The following CPSF6 variants were observed in gnomAD, a reference collection of about 807,000 sequenced individuals.
CPSF6 encodes the protein cleavage and polyadenylation specificity factor subunit 6.
Under a neutral mutation model 56.7 loss-of-function variants are expected in CPSF6, and 10 were observed. That is an observed-to-expected ratio of 0.18 (90% CI 0.11 to 0.30). The LOEUF (loss-of-function observed/expected upper bound fraction) is 0.30. CPSF6 is among the 10% of genes least tolerant of loss of function. CPSF6 has a pLI of 1.00. For missense variants in CPSF6, 419 were observed against 722.9 expected (o/e 0.58, Z 4.82); for synonymous variants, 248 against 244.8 (o/e 1.01, Z -0.12).
At chr12:69,251,096 T>C (rs893544524) in intron 1 of CPSF6, 33 bp from the exon 2 acceptor site, 3 of 1,571,296 alleles carry the variant, frequency 1.9e-6, no homozygotes, top group South Asian at 2.3e-5. Flanking sequence ...TTTTGACTTT[T>C]GTATAATCTA....
At chr12:69,244,865 T>G (rs190395601) in intron 1 of CPSF6, among the ~76,000 whole-genome samples, 45 of 152,278 alleles carry the variant, frequency 3.0e-4, no homozygotes, top group Admixed American at 1.3e-3. Flanking sequence ...GATAACTGCC[T>G]TCTTCTGTAA....
At position 69,262,508 on chromosome 12, in the gene CPSF6, C is replaced by T. The variant is rs777251091; in HGVS notation, c.1605C>T (p.Asp535=). The part of the protein sequence containing the change: ...SRERERHRDR[D]RDRDRERDRE... ...AACGAGAGAGGCACCGGGATCGTGACCGAGACCGTGACCGAGAGCGTGACC... is the reference window on the plus strand; with the variant it reads ...AACGAGAGAGGCACCGGGATCGTGATCGAGACCGTGACCGAGAGCGTGACC... The change falls in exon 9 of 10, where the codon GAC becomes GAT. Residue 535 remains aspartate, a synonymous_variant. Transcript: ENST00000435070. 6.2e-7 allele frequency: 1 copy of T among 1,613,936 alleles called. No homozygotes were observed. The highest frequency in any genetic ancestry group is 8.5e-7 in the Non-Finnish European group (1 of 1,179,906).
intron 1 of CPSF6, among the ~76,000 whole-genome samples, chr12:69,246,568 A>G (rs879485436): frequency 2.0e-5 from 3 of 152,210 alleles, no homozygotes; most frequent in Non-Finnish European, 2.9e-5. Flanking sequence ...GCCAGTTTTA[A>G]TAACTACTGA....
intron 9 of CPSF6, among the ~76,000 whole-genome samples, chr12:69,268,842 A>C (rs999014007): frequency 4.6e-5 from 7 of 151,760 alleles, no homozygotes; most frequent in African/African-American, 1.7e-4. Flanking sequence ...TTAGTTTATA[A>C]TACTACGTTA....
At chr12:69,245,008 C>T (rs1019109596) in intron 1 of CPSF6, among the ~76,000 whole-genome samples, 5 of 151,228 alleles carry the variant, frequency 3.3e-5, no homozygotes, top group African/African-American at 1.2e-4. Flanking sequence ...CCTGTAATCC[C>T]AGTGCTTTGA....
chr12:69,254,670 T>C (rs1487237946), intron 3 of CPSF6, among the ~76,000 whole-genome samples: 1 of 152,190 alleles, frequency 6.6e-6, no homozygotes, highest in Non-Finnish European at 1.5e-5. Flanking sequence ...GTTAAATTAA[T>C]TTAGTTTTTT....
In CPSF6 at chr12:69,260,171, G is replaced by A. The variant is rs1370435637; in HGVS notation, c.1443G>A (p.Glu481=). The A allele has an allele frequency of 1.2e-6, 2 of 1,611,838 alleles. No homozygotes were observed. Among genetic ancestry groups the A allele is most frequent in the Admixed American group, 1.7e-5 (1 of 59,706 alleles). ...TGCAAGATTGCCTTCATGGAATTGA[G>A]TCCAAGTCTTATGGTTCTGGATCAA... ...SSLQDCLHGI[E]SKSYGSGSRR... Residue 481 remains glutamate, a synonymous_variant, in exon 8 of 10, where the codon GAG becomes GAA. Coordinates refer to ENST00000435070, the MANE Select transcript of CPSF6 (RefSeq NM_007007.3).
Position 69,269,855 on chromosome 12 carries a change from T to C in CPSF6, c.*347T>C, listed in dbSNP as rs1462937811. Reference sequence around the variant, plus strand: ...TTGTTTTTGTAGTAGTTTGTTCTTGTTAAAAATGTTTATATGATAATGTCT... The same window carrying C: ...TTGTTTTTGTAGTAGTTTGTTCTTGCTAAAAATGTTTATATGATAATGTCT... On this transcript the variant is annotated 3_prime_UTR_variant, in exon 10 of 10. Transcript: ENST00000435070. 5.4e-6 allele frequency: 1 copy of C among 184,216 alleles called. No homozygotes were observed. The highest frequency in any genetic ancestry group is 1.1e-5 in the Non-Finnish European group (1 of 87,338). The allele number at this position is 184,216 out of a possible 1,614,324, so 11.4% of individuals were successfully genotyped here.
intron 1 of CPSF6, among the ~76,000 whole-genome samples, chr12:69,250,749 C>T (rs952717076): frequency 2.6e-5 from 4 of 151,932 alleles, no homozygotes; most frequent in Admixed American, 6.6e-5. Context: ...CAGGTTCAAG[C>T]GATTCTCCTG....
rs1404856634 is a variant in CPSF6, at chr12:69,256,554, A to G, written c.375-143A>G. On this transcript the variant is annotated intron_variant, in intron 3 of 9. Coordinates refer to ENST00000435070, the MANE Select transcript of CPSF6 (RefSeq NM_007007.3). ...AGCAATCCTCGTGCCTCAACCTTCTAAGCAGCTGGGATTACAGGCATGAGC... is the reference window on the plus strand; with the variant it reads ...AGCAATCCTCGTGCCTCAACCTTCTGAGCAGCTGGGATTACAGGCATGAGC... The G allele has an allele frequency of 1.3e-5, 10 of 758,666 alleles. No individual in the cohort carries two copies. In the East Asian group the frequency reaches 2.5e-4, roughly 19 times the overall value. 47.0% of individuals were successfully genotyped at this position (758,666 alleles called of 1,614,324 possible).
chr12:69,262,985 A>C lies in CPSF6; in HGVS notation c.*3+423A>C, dbSNP rs12425906. ...ATAAATGGAAAGTTACTATTTTTGA[A>C]CTAGTTTTATTTGTCCCTAAAAATT... On this transcript the variant is annotated intron_variant, in intron 9 of 9. Transcript: ENST00000435070. 9.0e-3 allele frequency among the ~76,000 whole-genome samples: 1,372 copies of C among 152,236 alleles called. 36 individuals carry two copies. The highest frequency in any genetic ancestry group is 0.049 in the Admixed American group (756 of 15,280).
In CPSF6 at chr12:69,258,272, G is replaced by C; in HGVS notation, c.695-318G>C. 1 of 663,664 alleles carries C rather than the reference G, an allele frequency of 1.5e-6. No homozygotes were observed. Among genetic ancestry groups the C allele is most frequent in the Non-Finnish European group, 2.5e-6 (1 of 396,254 alleles). 41.1% of individuals were successfully genotyped at this position (663,664 alleles called of 1,614,324 possible). On this transcript the variant is annotated intron_variant, in intron 5 of 9. Coordinates refer to ENST00000435070, the MANE Select transcript of CPSF6 (RefSeq NM_007007.3). The surrounding 1 kb of genome is among the most constrained non-coding windows in gnomAD (Gnocchi z 4.2). ...TGTTTCACTTTCTAGCTTGGCATCA[G>C]AGTAGAATATAAGGTGGGTGATTTC...
At chr12:69,254,836 T>C (rs1872430232) in intron 3 of CPSF6, among the ~76,000 whole-genome samples, 1 of 152,222 alleles carries the variant, frequency 6.6e-6, no homozygotes, top group Non-Finnish European at 1.5e-5. Context: ...TAATTTAGAA[T>C]ATCCTGTAAC....
intron 1 of CPSF6, among the ~76,000 whole-genome samples, chr12:69,245,448 CAT>C (rs887902658): frequency 3.3e-5 from 5 of 152,104 alleles, no homozygotes; most frequent in Non-Finnish European, 7.4e-5. Flanking sequence ...TAAAGAAAAA[CAT>C]AGTATATTTA....
chr12:69,254,788 T>G (rs1202075277), intron 3 of CPSF6, among the ~76,000 whole-genome samples: 1 of 152,190 alleles, frequency 6.6e-6, no homozygotes, highest in Non-Finnish European at 1.5e-5. Context: ...GAAAAGAGCT[T>G]AAGCTTCTTA....
At chr12:69,245,023 C>T (rs1279419206) in intron 1 of CPSF6, among the ~76,000 whole-genome samples, 3 of 151,026 alleles carry the variant, frequency 2.0e-5, no homozygotes, top group South Asian at 2.1e-4. Flanking sequence ...CTTTGAGAGC[C>T]TGAGGCGGCA....
intron 1 of CPSF6, among the ~76,000 whole-genome samples, chr12:69,240,891 A>C (rs1871584530): frequency 6.6e-6 from 1 of 152,190 alleles, no homozygotes; most frequent in Admixed American, 6.5e-5. Flanking sequence ...ATGTAGTAAC[A>C]CATTTAAAAC....
At chr12:69,260,743 T>A (rs1439123562) in intron 8 of CPSF6, among the ~76,000 whole-genome samples, 1 of 152,234 alleles carries the variant, frequency 6.6e-6, no homozygotes, top group Non-Finnish European at 1.5e-5. Context: ...AGAACACATG[T>A]TGAATGATGG....
intron 1 of CPSF6, among the ~76,000 whole-genome samples, chr12:69,242,866 T>C (rs1871698914): frequency 6.6e-6 from 1 of 152,128 alleles, no homozygotes; most frequent in Non-Finnish European, 1.5e-5. Context: ...CCCAGCACTT[T>C]GGGAGGCCAA....
Sources: gnomAD v4.1 joint callset for allele counts (sites outside exome capture counted in the v4.1 genomes callset) on GRCh38, gnomAD v4.1.1 for gene constraint, Gnocchi (gnomAD v3.1) non-coding constraint, MANE v1.5 for transcripts, NCBI Gene and HGNC (gene_info 2026-07-23, HGNC 2026-07-21) for gene names.